The following SIRT1 variants were observed in gnomAD, a reference collection of about 807,000 sequenced individuals.
The protein encoded by SIRT1 is NAD-dependent protein deacetylase sirtuin-1.
Under a neutral mutation model 67.9 loss-of-function variants are expected in SIRT1, and 24 were observed. The ratio of observed to expected loss-of-function variants is 0.35; its 90% CI spans 0.26 to 0.50. The LOEUF (loss-of-function observed/expected upper bound fraction) is 0.50, where lower values mean the gene tolerates loss of function less well. Among genes scored for constraint, SIRT1 ranks in the 20% least tolerant of loss-of-function variants. The pLI, the probability that SIRT1 is intolerant of heterozygous loss-of-function variation, is 0.98. For synonymous variants in SIRT1, 378 were observed against 350.7 expected (o/e 1.08, Z -0.87); for missense variants, 873 against 937.2 (o/e 0.93, Z 0.89).
intron 1 of SIRT1, among the ~76,000 whole-genome samples, chr10:67,885,560 G>T (rs1200011091): frequency 6.6e-6 from 1 of 150,696 alleles, no homozygotes; most frequent in Non-Finnish European, 1.5e-5. Context: ...CAACTTTTTG[G>T]CTGTCCCGTT....
intron 4 of SIRT1, among the ~76,000 whole-genome samples, chr10:67,896,510 G>A (rs1383896041): frequency 6.6e-6 from 1 of 152,046 alleles, no homozygotes; most frequent in Admixed American, 6.6e-5. Context: ...CAATGTCCCT[G>A]GCCGGCCAGG....
chr10:67,918,280 T>G lies in SIRT1; in HGVS notation c.*1687T>G, dbSNP rs1387729863. The G allele has an allele frequency of 6.6e-6, 1 of 152,664 alleles. No homozygotes were observed. Among genetic ancestry groups the G allele is most frequent in the Admixed American group, 6.5e-5 (1 of 15,282 alleles). 9.5% of individuals were successfully genotyped at this position (152,664 alleles called of 1,614,324 possible). ...ACTGGCATATGTTTTGTAGACTGTT[T>G]AATGACTGGATATCTTCCTTCAACT... On this transcript the variant is annotated 3_prime_UTR_variant, in exon 9 of 9. Coordinates refer to ENST00000212015, the MANE Select transcript of SIRT1 (RefSeq NM_012238.5).
At chr10:67,912,412 G>A (rs1842913593) in intron 7 of SIRT1, 62 bp from the exon 8 acceptor site, 3 of 1,420,054 alleles carry the variant, frequency 2.1e-6, no homozygotes, top group Non-Finnish European at 9.5e-7. Context: ...TGTATCTGTT[G>A]TGGTTTTATT....
chr10:67,905,387 A>C (rs1263295449), intron 4 of SIRT1, among the ~76,000 whole-genome samples: 3 of 152,208 alleles, frequency 2.0e-5, no homozygotes, highest in African/African-American at 7.2e-5. Flanking sequence ...TATTTCTTAA[A>C]TTGCAAAGAG....
intron 7 of SIRT1, among the ~76,000 whole-genome samples, chr10:67,911,442 C>T (rs1842896867): frequency 6.6e-6 from 1 of 152,058 alleles, no homozygotes; most frequent in Non-Finnish European, 1.5e-5. Flanking sequence ...ATCCTTCCTC[C>T]TCTGCCTCTC....
At chr10:67,906,971 A>G (rs1443593858) in intron 5 of SIRT1, 34 bp downstream of exon 5, 5 of 1,516,854 alleles carry the variant, frequency 3.3e-6, no homozygotes, top group Non-Finnish European at 3.5e-6. Flanking sequence ...TCTGTAATTT[A>G]TTTTAGTTTT....
At chr10:67,906,111 T>C (rs1219708670) in intron 4 of SIRT1, 3 of 1,271,910 alleles carry the variant, frequency 2.4e-6, no homozygotes, top group South Asian at 3.1e-5. Flanking sequence ...AAATTGATAC[T>C]TTTTCTCTGA....
At chr10:67,905,666 C>T (rs1842810966) in intron 4 of SIRT1, among the ~76,000 whole-genome samples, 1 of 152,198 alleles carries the variant, frequency 6.6e-6, no homozygotes, top group African/African-American at 2.4e-5. Flanking sequence ...CATCTGCTTA[C>T]AGCCTGTTTG....
intron 3 of SIRT1, 35 bp from the exon 4 acceptor site, chr10:67,891,367 A>G (rs7896005): frequency 0.59 from 943,755 of 1,602,388 alleles, 295,214 homozygotes; most frequent in Non-Finnish European, 0.65. Context: ...AAGGTAGAAG[A>G]TTTAATTTTA....
chr10:67,898,321 G>A (rs1381348103), intron 4 of SIRT1, among the ~76,000 whole-genome samples: 1 of 151,380 alleles, frequency 6.6e-6, no homozygotes, highest in African/African-American at 2.4e-5. Flanking sequence ...GAAGAGTGTA[G>A]TTTCTGTCCC....
chr10:67,918,171 A>G lies in SIRT1; in HGVS notation c.*1578A>G, dbSNP rs1413655004. On this transcript the variant is annotated 3_prime_UTR_variant, in exon 9 of 9. Transcript: ENST00000212015. ...TTGTGTGCTATAGATGATATTTTAA[A>G]TTGAAAAGTTTGTTTTAAATTATTT... 6.6e-6 allele frequency: 1 copy of G among 152,660 alleles called. No homozygotes were observed. Among genetic ancestry groups the G allele is most frequent in the African/African-American group, 2.4e-5 (1 of 41,458 alleles). The allele number at this position is 152,660 out of a possible 1,614,324, so 9.5% of individuals were successfully genotyped here. A position where few individuals can be genotyped will look rare whatever the true frequency, so the allele number is the denominator to read the frequency against.
At chr10:67,902,280 C>T (rs546691185) in intron 4 of SIRT1, among the ~76,000 whole-genome samples, 16 of 152,172 alleles carry the variant, frequency 1.1e-4, no homozygotes, top group African/African-American at 3.1e-4. Context: ...TGAGCCACCG[C>T]GCCCGGCTAC....
At chr10:67,905,844 A>G (rs958863418) in intron 4 of SIRT1, among the ~76,000 whole-genome samples, 5 of 152,200 alleles carry the variant, frequency 3.3e-5, no homozygotes, top group African/African-American at 1.2e-4. Context: ...GATCTCCCTC[A>G]ATTCTTTTTA....
chr10:67,900,838 T>G (rs1842734334), intron 4 of SIRT1, among the ~76,000 whole-genome samples: 1 of 152,204 alleles, frequency 6.6e-6, no homozygotes, highest in Admixed American at 6.5e-5. Context: ...TTTTCTCCAT[T>G]TGGGTGCTTT....
At position 67,912,704 on chromosome 10, in the gene SIRT1, A is replaced by G; in HGVS notation, c.1588A>G (p.Thr530Ala). 6.2e-7 allele frequency: 1 copy of G among 1,614,128 alleles called. No homozygotes were observed. Among genetic ancestry groups the G allele is most frequent in the South Asian group, 1.1e-5 (1 of 91,084 alleles). Residue 530 changes from threonine (T) to alanine (A), a missense_variant, in exon 8 of 9, where the codon ACA becomes GCA. Coordinates refer to ENST00000212015, the MANE Select transcript of SIRT1 (RefSeq NM_012238.5). ...ELAYLSELPP[T>A]PLHVSEDSSS... ...GGCTTATTTGTCAGAGTTGCCACCCACACCTCTTCATGTTTCAGAAGACTC... is the reference window on the plus strand; with the variant it reads ...GGCTTATTTGTCAGAGTTGCCACCCGCACCTCTTCATGTTTCAGAAGACTC...
chr10:67,889,882 A>T (rs1302619741), intron 3 of SIRT1, among the ~76,000 whole-genome samples: 2 of 152,244 alleles, frequency 1.3e-5, no homozygotes, highest in African/African-American at 4.8e-5. Flanking sequence ...TGATGAAACA[A>T]TAACTTCTGA....
intron 4 of SIRT1, among the ~76,000 whole-genome samples, chr10:67,897,427 A>G (rs555411722): frequency 3.3e-5 from 5 of 151,374 alleles, no homozygotes; most frequent in African/African-American, 9.7e-5. Flanking sequence ...AGACTTGATT[A>G]TGGGATCTTG....
chr10:67,884,688 G>A lies in SIRT1; in HGVS notation c.-34G>A, dbSNP rs990049877. The A allele has an allele frequency of 8.1e-7, 1 of 1,227,518 alleles. No homozygotes were observed. Among genetic ancestry groups the A allele is most frequent in the Non-Finnish European group, 1.0e-6 (1 of 985,330 alleles). The allele number at this position is 1,227,518 out of a possible 1,614,324, so 76.0% of individuals were successfully genotyped here. On this transcript the variant is annotated 5_prime_UTR_variant, in exon 1 of 9. Coordinates refer to ENST00000212015, the MANE Select transcript of SIRT1 (RefSeq NM_012238.5). ...CCGCGCGTCGAGCGGGAGCAGAGGAGGCGAGGGAGGAGGGCCAGAGAGGCA... is the reference window on the plus strand; with the variant it reads ...CCGCGCGTCGAGCGGGAGCAGAGGAAGCGAGGGAGGAGGGCCAGAGAGGCA...
At chr10:67,885,350 C>A in intron 1 of SIRT1, 199 bp downstream of exon 1, 1 of 1,235,850 alleles carries the variant, frequency 8.1e-7, no homozygotes, top group South Asian at 3.9e-5. Context: ...TCGCTCTTTT[C>A]CTCCGTCCGT....
Sources: gnomAD v4.1 joint callset for allele counts (sites outside exome capture counted in the v4.1 genomes callset) on GRCh38, gnomAD v4.1.1 for gene constraint, MANE v1.5 for transcripts, NCBI Gene and HGNC (gene_info 2026-07-23, HGNC 2026-07-21) for gene names.